The following ZNF423 variants were observed in gnomAD, a reference collection of about 807,000 sequenced individuals.
ZNF423 encodes zinc finger protein 423.
A neutral mutation model predicts 95.8 loss-of-function variants in ZNF423; 12 were observed. That is an observed-to-expected ratio of 0.13 (90% CI 0.08 to 0.20). ZNF423 has a LOEUF of 0.20. ZNF423 is among the 10% of genes least tolerant of loss of function. The probability of loss-of-function intolerance (pLI) is 1.00; values close to 1 mark genes in which losing one functional copy is unlikely to be tolerated. For missense variants in ZNF423, 1,316 were observed against 1,737.1 expected (o/e 0.76, Z 4.31); for synonymous variants, 749 against 711.9 (o/e 1.05, Z -0.83).
intron 2 of ZNF423, among the ~76,000 whole-genome samples, chr16:49,766,957 TTTTTC>T: frequency 6.6e-6 from 1 of 151,734 alleles, no homozygotes; most frequent in East Asian, 1.9e-4. Flanking sequence ...CAATTCTTTT[TTTTTC>T]TTTTCTTTCT....
At chr16:49,732,880 G>A (rs1175248025) in intron 2 of ZNF423, among the ~76,000 whole-genome samples, 4 of 152,172 alleles carry the variant, frequency 2.6e-5, no homozygotes, top group Admixed American at 6.5e-5. Context: ...TGCACGACAC[G>A]CCGCCTGGAA....
rs1966996065 is a variant in ZNF423, at chr16:49,492,124, G to A, written c.3850-820C>T. On this transcript the variant is annotated intron_variant, in intron 7 of 7. Coordinates refer to ENST00000563137, the MANE Select transcript of ZNF423 (RefSeq NM_001379286.1). This position sits in a 1 kb window ranked among gnomAD's most constrained non-coding sequence, Gnocchi z 4.2. ...GTTGATCTGTTTCACAGGAGCCAGC[G>A]GCCTGGGACTGGGGGTGGGATTTGG... Among the ~76,000 whole-genome samples, 1 of 152,218 alleles carries A rather than the reference G, an allele frequency of 6.6e-6. No individual in the cohort carries two copies. Among genetic ancestry groups the A allele is most frequent in the African/African-American group, 2.4e-5 (1 of 41,462 alleles).
In ZNF423 at chr16:49,855,883, CTT is replaced by C. The variant is rs1290955745; in HGVS notation, c.-111_-110del. Reference sequence around the variant, plus strand: ...TTCTCCTCCGCCTGTCTCTTGGAAACTTTTTTTTTTGCAGCCCGGTTGGCGGC... The same window carrying C: ...TTCTCCTCCGCCTGTCTCTTGGAAACTTTTTTTTGCAGCCCGGTTGGCGGC... On this transcript the variant is annotated 5_prime_UTR_variant, in exon 1 of 8. Coordinates refer to ENST00000563137, the MANE Select transcript of ZNF423 (RefSeq NM_001379286.1). This position sits in a 1 kb window ranked among gnomAD's most constrained non-coding sequence, Gnocchi z 4.7. 2 of 147,842 alleles carry C rather than the reference CTT, an allele frequency of 1.4e-5. No homozygotes were observed. Among genetic ancestry groups the C allele is most frequent in the Admixed American group, 6.7e-5 (1 of 14,868 alleles). The allele number at this position is 147,842 out of a possible 1,614,324, so 9.2% of individuals were successfully genotyped here. A position where few individuals can be genotyped will look rare whatever the true frequency, so the allele number is the denominator to read the frequency against.
At chr16:49,709,826 C>T (rs558866703) in intron 3 of ZNF423, among the ~76,000 whole-genome samples, 1 of 152,302 alleles carries the variant, frequency 6.6e-6, no homozygotes, top group Admixed American at 6.5e-5. Context: ...GACACGGAAT[C>T]TCCTGGCACC....
chr16:49,637,958 C>G lies in ZNF423; in HGVS notation c.1218G>C (p.Arg406=). Residue 406 remains arginine, a synonymous_variant, in exon 4 of 8, where the codon CGG becomes CGC. Transcript: ENST00000563137. This position sits in a 1 kb window ranked among gnomAD's most constrained non-coding sequence, Gnocchi z 5.6. ...LKPLRGQKKM[R]DDGQGWTKVV... is the part of the protein sequence containing the mutation. ...CCTTGGTCCAGCCCTGCCCGTCATC[C>G]CGCATCTTCTTCTGCCCCCGCAGCG... The G allele has an allele frequency of 6.2e-7, 1 of 1,614,144 alleles. No individual in the cohort carries two copies. Among genetic ancestry groups the G allele is most frequent in the Non-Finnish European group, 8.5e-7 (1 of 1,180,044 alleles).
chr16:49,653,252 G>C (rs1238068002), intron 3 of ZNF423, among the ~76,000 whole-genome samples: 2 of 149,632 alleles, frequency 1.3e-5, no homozygotes, highest in African/African-American at 2.5e-5. Flanking sequence ...ACAAGTCTTG[G>C]GAGGACCTGA....
chr16:49,657,017 T>C (rs1436222906), intron 3 of ZNF423, among the ~76,000 whole-genome samples: 1 of 152,198 alleles, frequency 6.6e-6, no homozygotes, highest in Non-Finnish European at 1.5e-5. Context: ...TGAACCACCA[T>C]GTCCCAGGGA....
At chr16:49,755,356 A>G (rs2033707043) in intron 2 of ZNF423, among the ~76,000 whole-genome samples, 1 of 152,056 alleles carries the variant, frequency 6.6e-6, no homozygotes. Flanking sequence ...TCTTTTTCTA[A>G]TCTGCTTGCC....
chr16:49,527,443 TG>T (rs1425120241), intron 5 of ZNF423, among the ~76,000 whole-genome samples: 4 of 152,258 alleles, frequency 2.6e-5, no homozygotes, highest in East Asian at 1.9e-4. Context: ...GCCTCCAGTG[TG>T]GGGGGCTGCC....
intron 2 of ZNF423, among the ~76,000 whole-genome samples, chr16:49,737,411 A>C (rs900025427): frequency 4.6e-5 from 7 of 152,184 alleles, no homozygotes; most frequent in African/African-American, 1.7e-4. Flanking sequence ...CTGGGATTAC[A>C]GGCAAGCACC....
rs553671841 is a variant in ZNF423, at chr16:49,715,461, G to T, written c.301+15310C>A. Among the ~76,000 whole-genome samples, 13 of 152,358 alleles carry T rather than the reference G, an allele frequency of 8.5e-5. No homozygotes were observed. In the East Asian group the frequency reaches 2.3e-3, roughly 27 times the overall value. ...TGACGGCTCAAGAGGAGGAACTGAG[G>T]CCGGGCACGGCAGCTGGCACAAGTA... On this transcript the variant is annotated intron_variant, in intron 3 of 7. Transcript: ENST00000563137.
chr16:49,626,330 G>A (rs915787984), intron 4 of ZNF423, 76 bp from the exon 5 acceptor site: 3 of 1,429,648 alleles, frequency 2.1e-6, no homozygotes, highest in Non-Finnish European at 2.0e-6. Flanking sequence ...TTCCTAGGGG[G>A]CCTGGGTCAA....
At chr16:49,849,654 TGAGGCAAGAGG>T (rs1030121895) in intron 1 of ZNF423, among the ~76,000 whole-genome samples, 8 of 151,202 alleles carry the variant, frequency 5.3e-5, no homozygotes, top group African/African-American at 2.0e-4. Context: ...TTGAGGGGGG[TGAGGCAAGAGG>T]GAGGGGAGGT....
intron 3 of ZNF423, among the ~76,000 whole-genome samples, chr16:49,655,869 C>A (rs554369501): frequency 1.3e-5 from 2 of 152,322 alleles, no homozygotes; most frequent in South Asian, 4.1e-4. Flanking sequence ...CACAAACCCA[C>A]GCAGTCATTC....
intron 2 of ZNF423, among the ~76,000 whole-genome samples, chr16:49,747,519 G>A (rs1239719964): frequency 2.0e-5 from 3 of 152,266 alleles, no homozygotes; most frequent in African/African-American, 7.2e-5. Context: ...GGCATACAGG[G>A]AAGTGATGAA....
chr16:49,631,090 A>G (rs1015932310), intron 4 of ZNF423, among the ~76,000 whole-genome samples: 3 of 152,132 alleles, frequency 2.0e-5, no homozygotes, highest in African/African-American at 4.8e-5. Flanking sequence ...GGCCATCCAC[A>G]TGGGTGAACA....
intron 5 of ZNF423, among the ~76,000 whole-genome samples, chr16:49,599,707 C>T (rs752322845): frequency 2.1e-4 from 32 of 152,180 alleles, no homozygotes; most frequent in Non-Finnish European, 3.2e-4. Context: ...ACACACAACA[C>T]GGATGGATCT....
At chr16:49,851,470 C>A (rs1041174442) in intron 1 of ZNF423, among the ~76,000 whole-genome samples, 3 of 152,206 alleles carry the variant, frequency 2.0e-5, no homozygotes, top group Non-Finnish European at 4.4e-5. Context: ...ACCGATATAG[C>A]AATTATTGCA....
chr16:49,634,052 GTATGCCAC>G (rs1167916674), intron 4 of ZNF423, among the ~76,000 whole-genome samples: 2 of 151,796 alleles, frequency 1.3e-5, no homozygotes, highest in Non-Finnish European at 2.9e-5. Context: ...GACTACAGGT[GTATGCCAC>G]TATGCCCACC....
Sources: allele counts gnomAD v4.1 joint callset (sites outside exome capture counted in the v4.1 genomes callset), GRCh38; gene constraint gnomAD v4.1.1; non-coding constraint Gnocchi (gnomAD v3.1); transcripts MANE v1.5; gene names NCBI Gene and HGNC (gene_info 2026-07-23, HGNC 2026-07-21).